PRKCA: variants seen among roughly 807,000 people sequenced by gnomAD.
PRKCA encodes protein kinase C alpha type.
PRKCA carries 27 observed loss-of-function variants against 87.0 expected under a neutral mutation model. That is an observed-to-expected ratio of 0.31 (90% CI 0.23 to 0.43). The LOEUF (loss-of-function observed/expected upper bound fraction) is 0.43, where lower values mean the gene tolerates loss of function less well. Ranked by LOEUF, PRKCA falls within the 20% of genes least tolerant of loss-of-function variation. The pLI, the probability that PRKCA is intolerant of heterozygous loss-of-function variation, is 1.00. For synonymous variants in PRKCA, 329 were observed against 311.1 expected (o/e 1.06, Z -0.61); for missense variants, 518 against 852.3 (o/e 0.61, Z 4.88).
chr17:66,423,074 G>A (rs1912580454), intron 2 of PRKCA, among the ~76,000 whole-genome samples: 1 of 152,000 alleles, frequency 6.6e-6, no homozygotes, highest in African/African-American at 2.4e-5. Context: ...TCACGCCATT[G>A]CACTCCAGCC....
At chr17:66,656,831 G>T (rs780403133) in intron 5 of PRKCA, among the ~76,000 whole-genome samples, 47 of 152,182 alleles carry the variant, frequency 3.1e-4, no homozygotes, top group Non-Finnish European at 4.9e-4. Flanking sequence ...ATCTTCAACG[G>T]TGGGTGGGTA....
intron 2 of PRKCA, among the ~76,000 whole-genome samples, chr17:66,420,617 A>T (rs1036412034): frequency 5.9e-5 from 9 of 152,184 alleles, no homozygotes; most frequent in Non-Finnish European, 1.3e-4. Context: ...TGGACGGTTA[A>T]GGTAGGCTCG....
intron 3 of PRKCA, among the ~76,000 whole-genome samples, chr17:66,539,548 C>T (rs570286801): frequency 2.0e-5 from 3 of 151,962 alleles, no homozygotes; most frequent in African/African-American, 4.8e-5. Context: ...GGACTACAGG[C>T]GCCCGCCACC....
intron 3 of PRKCA, among the ~76,000 whole-genome samples, chr17:66,509,178 A>ATG (rs35472661): frequency 0.29 from 42,802 of 146,928 alleles, 6,071 homozygotes; most frequent in Non-Finnish European, 0.32. Flanking sequence ...GTGTGTGTGT[A>ATG]TGTGTGTGTG....
chr17:66,573,626 T>G (rs889490424), intron 3 of PRKCA, among the ~76,000 whole-genome samples: 1 of 152,256 alleles, frequency 6.6e-6, no homozygotes, highest in African/African-American at 2.4e-5. Context: ...GGGAAAAGAT[T>G]GTTATAACAA....
chr17:66,576,176 A>T (rs1483715975), intron 3 of PRKCA, among the ~76,000 whole-genome samples: 1 of 152,198 alleles, frequency 6.6e-6, no homozygotes, highest in Non-Finnish European at 1.5e-5. Flanking sequence ...TAAATTTCAG[A>T]TGGAGGCTGT....
At chr17:66,700,713 C>T (rs1052332975) in intron 8 of PRKCA, among the ~76,000 whole-genome samples, 2 of 151,966 alleles carry the variant, frequency 1.3e-5, no homozygotes, top group South Asian at 2.1e-4. Context: ...TCAAAAAGAA[C>T]GAAATACTTA....
At chr17:66,559,171 AAAGCCCTCC>A (rs1315116789) in intron 3 of PRKCA, among the ~76,000 whole-genome samples, 1 of 152,024 alleles carries the variant, frequency 6.6e-6, no homozygotes, top group Non-Finnish European at 1.5e-5. Context: ...ACAGACCTTA[AAAGCCCTCC>A]AAGCCCTCCA....
intron 3 of PRKCA, among the ~76,000 whole-genome samples, chr17:66,630,478 G>A (rs1567942840): frequency 6.6e-6 from 1 of 152,192 alleles, no homozygotes; most frequent in Non-Finnish European, 1.5e-5. Context: ...TTGGCCAAAG[G>A]GAGTGAAGTT....
chr17:66,397,846 CTGTT>C (rs1428451151), intron 2 of PRKCA, among the ~76,000 whole-genome samples: 2 of 152,150 alleles, frequency 1.3e-5, no homozygotes, highest in East Asian at 1.9e-4. Flanking sequence ...TCGTCCAACT[CTGTT>C]TGTGACATTG....
chr17:66,339,016 T>C (rs933748149), intron 2 of PRKCA, among the ~76,000 whole-genome samples: 11 of 152,180 alleles, frequency 7.2e-5, no homozygotes, highest in Admixed American at 7.2e-4. Context: ...GAAGAGTCCT[T>C]GTGTCTATAT....
chr17:66,410,618 C>T (rs528866096), intron 2 of PRKCA, among the ~76,000 whole-genome samples: 2 of 152,302 alleles, frequency 1.3e-5, no homozygotes, highest in African/African-American at 4.8e-5. Flanking sequence ...CTCTGTTACT[C>T]AGGCTGGAGT....
chr17:66,340,745 T>G (rs77792142), intron 2 of PRKCA, among the ~76,000 whole-genome samples: 11 of 152,294 alleles, frequency 7.2e-5, no homozygotes, highest in African/African-American at 2.6e-4. Flanking sequence ...GAGAAATCCT[T>G]TATTTAGAAG....
intron 2 of PRKCA, among the ~76,000 whole-genome samples, chr17:66,417,862 C>T (rs1208706293): frequency 6.6e-6 from 1 of 152,144 alleles, no homozygotes; most frequent in Non-Finnish European, 1.5e-5. Flanking sequence ...GGTTCACAGT[C>T]CCCAGGATGC....
chr17:66,350,700 C>T (rs1294820227), intron 2 of PRKCA, among the ~76,000 whole-genome samples: 1 of 151,724 alleles, frequency 6.6e-6, no homozygotes, highest in Non-Finnish European at 1.5e-5. Flanking sequence ...TTTTTTTTTC[C>T]CCTTGGTAGA....
chr17:66,587,929 A>G (rs1598796487), intron 3 of PRKCA, among the ~76,000 whole-genome samples: 1 of 122,310 alleles, frequency 8.2e-6, no homozygotes, highest in East Asian at 2.2e-4. Flanking sequence ...ATATATATAT[A>G]TATCCTGCAG....
chr17:66,795,266 T>G (rs1434479089), intron 16 of PRKCA, among the ~76,000 whole-genome samples: 1 of 152,174 alleles, frequency 6.6e-6, no homozygotes, highest in Admixed American at 6.5e-5. Context: ...TCAGATACCA[T>G]AGGCAGCTTG....
chr17:66,723,292 G>T (rs1973660002), intron 8 of PRKCA, among the ~76,000 whole-genome samples: 1 of 152,214 alleles, frequency 6.6e-6, no homozygotes, highest in South Asian at 2.1e-4. Context: ...GAAGGAAAGT[G>T]CAGTCTCCTG....
chr17:66,491,948 G>A lies in PRKCA; in HGVS notation c.206-4253G>A, dbSNP rs191942106. Among the ~76,000 whole-genome samples the A allele has an allele frequency of 3.6e-3, 544 of 152,344 alleles. 1 individual carries two copies. Among genetic ancestry groups the A allele is most frequent in the Admixed American group, 5.9e-3 (90 of 15,306 alleles). On this transcript the variant is annotated intron_variant, in intron 2 of 16. Coordinates refer to ENST00000413366, the MANE Select transcript of PRKCA (RefSeq NM_002737.3). The stretch of plus-strand genomic sequence containing the variant: ...GCCAACCTCCAAGCTCCTCTTTCCT[G>A]TTCCCCTCACGGTAAGTGGGGGTGT...
Sources: allele counts gnomAD v4.1 joint callset (sites outside exome capture counted in the v4.1 genomes callset), GRCh38; gene constraint gnomAD v4.1.1; transcripts MANE v1.5; gene names NCBI Gene and HGNC (gene_info 2026-07-23, HGNC 2026-07-21).